TINAG: variants seen among roughly 807,000 people sequenced by gnomAD.
TINAG encodes the protein tubulointerstitial nephritis antigen.
Under a neutral mutation model 72.7 loss-of-function variants are expected in TINAG, and 83 were observed. The ratio of observed to expected loss-of-function variants is 1.14; its 90% confidence interval spans 0.96 to 1.37. The LOEUF (loss-of-function observed/expected upper bound fraction) is 1.37. TINAG is among the 40% of genes most tolerant of loss of function. The probability of loss-of-function intolerance (pLI) is 0.00; values close to 1 mark genes in which losing one functional copy is unlikely to be tolerated. For synonymous variants in TINAG, 234 were observed against 189.9 expected (o/e 1.23, Z -1.91); for missense variants, 685 against 576.6 (o/e 1.19, Z -1.93).
chr6:54,315,168 G>A (rs1784343656), intron 1 of TINAG, among the ~76,000 whole-genome samples: 1 of 152,076 alleles, frequency 6.6e-6, no homozygotes, highest in African/African-American at 2.4e-5. Flanking sequence ...ATTTTTCAGA[G>A]ATTTAGTTAC....
At chr6:54,365,069 T>C (rs1378714765) in intron 9 of TINAG, among the ~76,000 whole-genome samples, 4 of 151,678 alleles carry the variant, frequency 2.6e-5, no homozygotes, top group African/African-American at 9.6e-5. Flanking sequence ...ATGTTATGTT[T>C]AACCTCTGGC....
At chr6:54,365,503 T>C (rs928275636) in intron 9 of TINAG, 1 of 151,536 alleles carries the variant, frequency 6.6e-6, no homozygotes, top group Admixed American at 6.6e-5. Flanking sequence ...GGGTCACATG[T>C]TGTGATCTCA....
chr6:54,349,154 T>G (rs903312063), intron 6 of TINAG, among the ~76,000 whole-genome samples: 2 of 151,796 alleles, frequency 1.3e-5, no homozygotes, highest in African/African-American at 4.8e-5. Flanking sequence ...ATTATATTAA[T>G]ATTATACTAT....
At chr6:54,383,152 G>A (rs1479850899) in intron 10 of TINAG, among the ~76,000 whole-genome samples, 1 of 152,046 alleles carries the variant, frequency 6.6e-6, no homozygotes, top group East Asian at 1.9e-4. Context: ...TAGATGAATG[G>A]CTACATATCT....
At chr6:54,345,189 G>T (rs191036330) in intron 5 of TINAG, among the ~76,000 whole-genome samples, 48 of 152,194 alleles carry the variant, frequency 3.2e-4, no homozygotes, top group Non-Finnish European at 5.3e-4. Context: ...TAAGAAGAGA[G>T]TGGAAAACAA....
chr6:54,365,386 G>T (rs1018470105), intron 9 of TINAG: 2 of 151,476 alleles, frequency 1.3e-5, no homozygotes, highest in African/African-American at 4.8e-5. Context: ...TTTGTTTCTT[G>T]TTCACATAAT....
intron 1 of TINAG, among the ~76,000 whole-genome samples, chr6:54,311,816 T>C (rs1310888286): frequency 6.6e-6 from 1 of 152,196 alleles, no homozygotes; most frequent in Non-Finnish European, 1.5e-5. Context: ...ATAAGTTTTT[T>C]TAGTTCCTCA....
chr6:54,327,539 A>G (rs1484581542), intron 4 of TINAG, among the ~76,000 whole-genome samples: 1 of 151,682 alleles, frequency 6.6e-6, no homozygotes, highest in Admixed American at 6.6e-5. Flanking sequence ...TTGGGCAGAC[A>G]CTGAACTAGC....
At chr6:54,354,720 T>C in intron 9 of TINAG, 84 bp downstream of exon 9, 1 of 1,392,846 alleles carries the variant, frequency 7.2e-7, no homozygotes, top group Non-Finnish European at 9.7e-7. Context: ...AATGCTAGAA[T>C]CCCCTTTGTA....
At chr6:54,328,197 A>G (rs1374740795) in intron 4 of TINAG, among the ~76,000 whole-genome samples, 6 of 152,078 alleles carry the variant, frequency 3.9e-5, no homozygotes, top group Non-Finnish European at 8.8e-5. Context: ...GCAGGGTTCA[A>G]CAGACACCTC....
intron 9 of TINAG, among the ~76,000 whole-genome samples, chr6:54,371,436 G>T (rs1015283261): frequency 6.6e-6 from 1 of 151,126 alleles, no homozygotes; most frequent in African/African-American, 2.4e-5. Context: ...AAATTCAAAC[G>T]TTCTTTAACT....
At chr6:54,380,661 C>A in intron 10 of TINAG, 90 bp downstream of exon 10, 1 of 1,038,706 alleles carries the variant, frequency 9.6e-7, no homozygotes, top group South Asian at 1.4e-5. Flanking sequence ...ATTATTTAGT[C>A]ACATCCTCAG....
chr6:54,318,797 A>G (rs1784427699), intron 1 of TINAG, among the ~76,000 whole-genome samples: 1 of 152,128 alleles, frequency 6.6e-6, no homozygotes, highest in South Asian at 2.1e-4. Context: ...TCTGGGTATT[A>G]TATAGACACT....
At position 54,371,701 on chromosome 6, in the gene TINAG, T is replaced by C. The variant is rs186634406; in HGVS notation, c.1251-8825T>C. Among the ~76,000 whole-genome samples the C allele has an allele frequency of 2.0e-5, 3 of 152,162 alleles. No homozygotes were observed. The East Asian group carries it at 5.8e-4, about 29-fold the overall frequency. On this transcript the variant is annotated intron_variant, in intron 9 of 10. Transcript: ENST00000259782. ...GTAAATGCGATAAAATTTTTTATGA[T>C]CTTAGATAATGTGATTCTATTTGTT... is the stretch of plus-strand genomic sequence containing the variant.
chr6:54,381,909 A>C (rs1227637778), intron 10 of TINAG, among the ~76,000 whole-genome samples: 2 of 152,048 alleles, frequency 1.3e-5, no homozygotes, highest in African/African-American at 2.4e-5. Context: ...AGTGAATATG[A>C]ACGAATGTGC....
intron 4 of TINAG, among the ~76,000 whole-genome samples, chr6:54,337,961 C>T (rs1784907243): frequency 6.6e-6 from 1 of 152,186 alleles, no homozygotes; most frequent in Non-Finnish European, 1.5e-5. Context: ...GTCGTTCTTG[C>T]TGTCACTGAA....
At chr6:54,310,783 TTC>T (rs1462780587) in intron 1 of TINAG, among the ~76,000 whole-genome samples, 16 of 149,734 alleles carry the variant, frequency 1.1e-4, no homozygotes, top group South Asian at 2.1e-4. Context: ...CTCCCTTTCT[TTC>T]TCTTTCTTTT....
In TINAG at chr6:54,352,989, C is replaced by T. The variant is rs565697044; in HGVS notation, c.1127-1524C>T. Among the ~76,000 whole-genome samples, 44 of 151,826 alleles carry T rather than the reference C, an allele frequency of 2.9e-4. No individual in the cohort carries two copies. In the South Asian group the frequency reaches 8.1e-3, roughly 28 times the overall value. On this transcript the variant is annotated intron_variant, in intron 8 of 10. Transcript: ENST00000259782. The stretch of plus-strand genomic sequence containing the variant: ...GCTAGCCTAAGCCAGGAGCAAGAGA[C>T]GAGGAACAACCAAACATCTCATCCG...
intron 1 of TINAG, among the ~76,000 whole-genome samples, chr6:54,310,076 C>CGTGTGGGTGTGT (rs1784204315): frequency 7.8e-6 from 1 of 127,650 alleles, no homozygotes. Flanking sequence ...CTTTTTTTTC[C>CGTGTGGGTGTGT]GTGTGTGTGT....
Sources: allele counts gnomAD v4.1 joint callset (sites outside exome capture counted in the v4.1 genomes callset), GRCh38; gene constraint gnomAD v4.1.1; transcripts MANE v1.5; gene names NCBI Gene and HGNC (gene_info 2026-07-23, HGNC 2026-07-21).